ROBO1: variants seen among roughly 807,000 people sequenced by gnomAD.
The protein encoded by ROBO1 is roundabout homolog 1.
Under a neutral mutation model 195.9 loss-of-function variants are expected in ROBO1, and 149 were observed. That is an observed-to-expected ratio of 0.76 (90% CI 0.67 to 0.87). The LOEUF is 0.87. Ranked by LOEUF, ROBO1 falls within the 40% of genes least tolerant of loss-of-function variation. The probability of loss-of-function intolerance (pLI) is 0.00; values close to 1 mark genes in which losing one functional copy is unlikely to be tolerated. For missense variants in ROBO1, 1,933 were observed against 2,068.3 expected (o/e 0.93, Z 1.27); for synonymous variants, 816 against 733.2 (o/e 1.11, Z -1.82).
intron 4 of ROBO1, among the ~76,000 whole-genome samples, chr3:78,838,206 T>G (rs1031693907): frequency 6.6e-6 from 1 of 152,174 alleles, no homozygotes; most frequent in Admixed American, 6.5e-5. Flanking sequence ...TTTCAGTGAT[T>G]CCATAAATGG....
At chr3:79,763,732 G>A (rs1475478449) in intron 1 of ROBO1, among the ~76,000 whole-genome samples, 3 of 152,112 alleles carry the variant, frequency 2.0e-5, no homozygotes, top group Admixed American at 6.6e-5. Flanking sequence ...AGATAGGGGT[G>A]GGGTATATTT....
intron 2 of ROBO1, among the ~76,000 whole-genome samples, chr3:79,466,214 A>C (rs1054700337): frequency 6.6e-6 from 1 of 152,192 alleles, no homozygotes; most frequent in East Asian, 1.9e-4. Context: ...AATACAGACT[A>C]TAATTAGTGA....
intron 11 of ROBO1, among the ~76,000 whole-genome samples, chr3:78,669,308 AG>A (rs1036792758): frequency 1.3e-5 from 2 of 152,232 alleles, no homozygotes; most frequent in Non-Finnish European, 2.9e-5. Flanking sequence ...GCAGGAACCA[AG>A]TCACAACAGT....
intron 4 of ROBO1, among the ~76,000 whole-genome samples, chr3:78,921,552 T>C (rs1031942189): frequency 1.3e-5 from 2 of 152,184 alleles, no homozygotes; most frequent in African/African-American, 2.4e-5. Context: ...TCTGAAATAA[T>C]ACGATTTTGT....
chr3:79,068,241 C>A (rs895497707), intron 3 of ROBO1, among the ~76,000 whole-genome samples: 1 of 151,760 alleles, frequency 6.6e-6, no homozygotes. Flanking sequence ...TAGATTAAGG[C>A]CCAGATTCCT....
chr3:78,946,303 A>T (rs773977139), intron 3 of ROBO1, among the ~76,000 whole-genome samples: 2 of 152,242 alleles, frequency 1.3e-5, no homozygotes, highest in African/African-American at 2.4e-5. Context: ...AGGGAAGCCC[A>T]CCAGACTAAC....
At chr3:79,640,378 G>T (rs1230290426) in intron 1 of ROBO1, among the ~76,000 whole-genome samples, 5 of 151,992 alleles carry the variant, frequency 3.3e-5, no homozygotes, top group African/African-American at 2.4e-5. Flanking sequence ...CTGCCATGAT[G>T]GTGGGTGCTC....
chr3:78,882,487 A>T (rs1432452806), intron 4 of ROBO1, among the ~76,000 whole-genome samples: 2 of 152,138 alleles, frequency 1.3e-5, no homozygotes, highest in African/African-American at 2.4e-5. Flanking sequence ...AAAATACAAC[A>T]AGCTGTTTTG....
At chr3:79,394,014 T>C (rs1300479615) in intron 2 of ROBO1, among the ~76,000 whole-genome samples, 2 of 152,150 alleles carry the variant, frequency 1.3e-5, no homozygotes, top group South Asian at 2.1e-4. Context: ...CAATGAATGG[T>C]GACTCTGAAG....
At chr3:79,480,261 T>C (rs1938767536) in intron 2 of ROBO1, among the ~76,000 whole-genome samples, 1 of 152,170 alleles carries the variant, frequency 6.6e-6, no homozygotes, top group East Asian at 1.9e-4. Context: ...TTGGGCACAT[T>C]TTATATACAC....
chr3:79,488,251 G>T (rs1939264911), intron 2 of ROBO1, among the ~76,000 whole-genome samples: 1 of 152,146 alleles, frequency 6.6e-6, no homozygotes, highest in African/African-American at 2.4e-5. Flanking sequence ...TGAAATAAAT[G>T]AATTAATATC....
chr3:79,225,141 T>TA (rs2082202747), intron 2 of ROBO1, among the ~76,000 whole-genome samples: 1 of 151,706 alleles, frequency 6.6e-6, no homozygotes, highest in Admixed American at 6.6e-5. Context: ...TTAATTTAAA[T>TA]AAAAACTACA....
chr3:79,377,339 T>C (rs1294142515), intron 2 of ROBO1, among the ~76,000 whole-genome samples: 1 of 152,234 alleles, frequency 6.6e-6, no homozygotes, highest in African/African-American at 2.4e-5. Flanking sequence ...CTCCAATAAT[T>C]TCTTGACAGA....
At chr3:79,021,943 A>G (rs1365162178) in intron 3 of ROBO1, among the ~76,000 whole-genome samples, 4 of 152,208 alleles carry the variant, frequency 2.6e-5, no homozygotes, top group Non-Finnish European at 4.4e-5. Context: ...TACAGGCGTG[A>G]GCCCTGCCGC....
chr3:79,421,543 C>T (rs2038225560), intron 2 of ROBO1, among the ~76,000 whole-genome samples: 1 of 152,046 alleles, frequency 6.6e-6, no homozygotes, highest in Admixed American at 6.6e-5. Flanking sequence ...CAGATATGAG[C>T]AAAGCAACAA....
intron 2 of ROBO1, among the ~76,000 whole-genome samples, chr3:79,238,238 A>G (rs142484232): frequency 3.4e-4 from 52 of 152,328 alleles, no homozygotes; most frequent in African/African-American, 1.1e-3. Flanking sequence ...AGTTGAGTAT[A>G]ATGCAATTTA....
intron 2 of ROBO1, among the ~76,000 whole-genome samples, chr3:79,509,022 G>A (rs973498466): frequency 1.3e-5 from 2 of 152,142 alleles, no homozygotes; most frequent in South Asian, 4.2e-4. Flanking sequence ...TATAGGATAA[G>A]CATATTTGAT....
intron 2 of ROBO1, among the ~76,000 whole-genome samples, chr3:79,367,853 G>A (rs920354724): frequency 6.6e-6 from 1 of 152,266 alleles, no homozygotes; most frequent in Admixed American, 6.5e-5. Context: ...GATATACAGG[G>A]ATCGTGCTTG....
At chr3:79,087,506 T>TCTTCCTTCCTTCCTTCCTTTC (rs2079393404) in intron 3 of ROBO1, among the ~76,000 whole-genome samples, 1 of 151,738 alleles carries the variant, frequency 6.6e-6, no homozygotes. Flanking sequence ...AGCTTCTTTC[T>TCTTCCTTCCTTCCTTCCTTTC]CTTCCTTCCT....
Sources: allele counts gnomAD v4.1 joint callset (sites outside exome capture counted in the v4.1 genomes callset), GRCh38; gene constraint gnomAD v4.1.1; transcripts MANE v1.5; gene names NCBI Gene and HGNC (gene_info 2026-07-23, HGNC 2026-07-21).